Variants in ZNF550 observed in about 807,000 individuals in gnomAD.
The protein encoded by ZNF550 is zinc finger protein 550.
ZNF550 carries 42 observed loss-of-function variants against 40.2 expected under a neutral mutation model. The observed-to-expected ratio is 1.05, with a 90% CI of 0.82 to 1.35. The LOEUF is 1.35. Among genes scored for constraint, ZNF550 ranks in the 40% most tolerant of loss-of-function variants. The pLI, the probability that ZNF550 is intolerant of heterozygous loss-of-function variation, is 0.00. For synonymous variants in ZNF550, 223 were observed against 198.6 expected, an observed-to-expected ratio of 1.12 and a Z score of -1.03; for missense variants, 549 against 525.2, an observed-to-expected ratio of 1.05 and a Z score of -0.44.
exon 4 of ZNF550, chr19:57,547,186 C>T (rs868732627): frequency 6.2e-7 from 1 of 1,611,440 alleles, no homozygotes; most frequent in East Asian, 2.2e-5. Flanking sequence ...TGAGCTGCAT[C>T]TGAAGGCCTT....
intron 4 of ZNF550, chr19:57,543,477 A>G (rs1459239909): frequency 7.2e-6 from 3 of 414,788 alleles, no homozygotes; most frequent in African/African-American, 2.2e-5. Flanking sequence ...TACCGTCCAC[A>G]TTTCCTCTGT....
chr19:57,545,417 G>A (rs905008679), intron 4 of ZNF550, among the ~76,000 whole-genome samples: 1 of 151,982 alleles, frequency 6.6e-6, no homozygotes, highest in Non-Finnish European at 1.5e-5. Flanking sequence ...TGCTGAGGGG[G>A]ACCTAAAAAT....
intron 1 of ZNF550, among the ~76,000 whole-genome samples, chr19:57,559,119 CCTG>C (rs967864204): frequency 1.3e-5 from 2 of 152,138 alleles, no homozygotes; most frequent in African/African-American, 4.8e-5. Flanking sequence ...GGGTCAGACT[CCTG>C]CTGGGGTTGA....
exon 4 of ZNF550, chr19:57,547,987 C>G (rs750240983): frequency 1.2e-6 from 2 of 1,612,290 alleles, no homozygotes; most frequent in South Asian, 1.1e-5. Flanking sequence ...AACTTGTGCT[C>G]TGTCACCTGA....
Position 57,546,021 on chromosome 19 carries a change from T to C in ZNF550, c.*518+436A>G, listed in dbSNP as rs535726529. 9.2e-5 allele frequency among the ~76,000 whole-genome samples: 14 copies of C among 151,772 alleles called. No homozygotes were observed. In the East Asian group the frequency reaches 2.7e-3, roughly 29 times the overall value. On this transcript the variant is annotated intron_variant, in intron 4 of 4. Transcript: ENST00000457177. ...GAGCAAGTCCCTGTCTCTTAAAAAA[T>C]AATGAGTTTATTAATAAAAATCAAA...
chr19:57,547,323 C>T (rs373679009), exon 4 of ZNF550: 2 of 1,613,946 alleles, frequency 1.2e-6, no homozygotes, highest in Non-Finnish European at 1.7e-6. Context: ...CAGTGTGGGT[C>T]CTATTATGGC....
rs1006705336 is a variant in ZNF550, at chr19:57,554,177, C to CA, written c.155-1456dup. 4.5e-4 allele frequency: 67 copies of CA among 148,776 alleles called. No individual in the cohort carries two copies. The highest frequency in any genetic ancestry group is 4.0e-4 in the Non-Finnish European group (27 of 67,136). 9.2% of individuals were successfully genotyped at this position (148,776 alleles called of 1,614,324 possible). A position where few individuals can be genotyped will look rare whatever the true frequency, so the allele number is the denominator to read the frequency against. On this transcript the variant is annotated intron_variant, in intron 2 of 4. Coordinates refer to ENST00000457177, the Ensembl canonical transcript of ZNF550. This position sits in a 1 kb window ranked among gnomAD's most constrained non-coding sequence, Gnocchi z 4.5. ...TGAATGACAGAGCAAGACTCCATCT[C>CA]AAAAAAAAAGGAAAAGAAAAACCAG... is the stretch of plus-strand genomic sequence containing the variant.
At chr19:57,542,743 G>C (rs559738084) in exon 5 of ZNF550, 2 of 152,232 alleles carry the variant, frequency 1.3e-5, no homozygotes, top group South Asian at 4.2e-4. Context: ...TCGGCTTCTG[G>C]TAGCCCCGTG....
At chr19:57,559,400 C>A (rs558664721) in intron 1 of ZNF550, among the ~76,000 whole-genome samples, 14 of 152,336 alleles carry the variant, frequency 9.2e-5, no homozygotes, top group Non-Finnish European at 1.8e-4. Context: ...GCGGTCGCTC[C>A]TCTCACCTGT....
rs1352500935 is a variant in ZNF550 at position 57,554,606 on chromosome 19, A to G, written c.154+1625T>C. On this transcript the variant is annotated intron_variant, in intron 2 of 4. Coordinates refer to ENST00000457177, the Ensembl canonical transcript of ZNF550. This position sits in a 1 kb window ranked among gnomAD's most constrained non-coding sequence, Gnocchi z 4.5. ...AGTAAAAGACAGGAGGATTCTGTAT[A>G]GAAGACCAATGACTGAGGTACAAGG... 1.3e-5 allele frequency: 2 copies of G among 152,292 alleles called. No individual in the cohort carries two copies. Among genetic ancestry groups the G allele is most frequent in the Non-Finnish European group, 2.9e-5 (2 of 68,074 alleles). The allele number at this position is 152,292 out of a possible 1,614,324, so 9.4% of individuals were successfully genotyped here.
At chr19:57,544,523 G>A (rs1462325030) in intron 4 of ZNF550, 3 of 985,402 alleles carry the variant, frequency 3.0e-6, no homozygotes, top group Non-Finnish European at 3.6e-6. Flanking sequence ...GGATGCAGGA[G>A]GGTGGGGGTC....
intron 1 of ZNF550, chr19:57,556,964 A>C (rs1467057202): frequency 1.3e-5 from 2 of 152,564 alleles, no homozygotes; most frequent in Admixed American, 6.5e-5. Context: ...AGTCATCGCC[A>C]TTCTCCCGTC....
chr19:57,552,777 T>C, intron 2 of ZNF550, 55 bp from the exon 3 acceptor site: 1 of 1,347,788 alleles, frequency 7.4e-7, no homozygotes, highest in Non-Finnish European at 1.0e-6. Flanking sequence ...AATGAAAGTC[T>C]CTCCATCTTG....
intron 2 of ZNF550, chr19:57,553,411 G>A (rs2090091507): frequency 6.6e-6 from 1 of 152,344 alleles, no homozygotes; most frequent in Admixed American, 6.5e-5. Flanking sequence ...TCCTCCAGAA[G>A]GCATTTTCTT....
In ZNF550 at chr19:57,550,695, T is replaced by G. The variant is rs540133543; in HGVS notation, c.250+1932A>C. Among the ~76,000 whole-genome samples the G allele has an allele frequency of 2.0e-5, 3 of 152,378 alleles. No homozygotes were observed. The East Asian group carries it at 5.8e-4, about 29-fold the overall frequency. ...AACTGCCGAGGTGCTGGAAATATTG[T>G]AAATCTTGACCTAGATGAAGAATTC... On this transcript the variant is annotated intron_variant, in intron 3 of 4. Transcript: ENST00000457177.
chr19:57,557,563 C>T (rs1205384934), intron 1 of ZNF550: 1 of 152,082 alleles, frequency 6.6e-6, no homozygotes, highest in African/African-American at 2.4e-5. Flanking sequence ...GGTGTGGGTC[C>T]TCCATATGCT....
At chr19:57,547,297 T>A in exon 4 of ZNF550, 1 of 1,614,096 alleles carries the variant, frequency 6.2e-7, no homozygotes, top group Non-Finnish European at 8.5e-7. Flanking sequence ...TTCTTTGCAC[T>A]CAAAGGGCTT....
At chr19:57,544,919 C>T (rs1337329124) in intron 4 of ZNF550, among the ~76,000 whole-genome samples, 10 of 152,078 alleles carry the variant, frequency 6.6e-5, no homozygotes, top group Non-Finnish European at 1.2e-4. Flanking sequence ...GTCAGGAGTT[C>T]GAGACCAGCC....
At chr19:57,547,321 G>A (rs767686192) in exon 4 of ZNF550, 1 of 1,613,886 alleles carries the variant, frequency 6.2e-7, no homozygotes, top group Non-Finnish European at 8.5e-7. Context: ...TCCAGTGTGG[G>A]TCCTATTATG....
Sources: allele counts gnomAD v4.1 joint callset (sites outside exome capture counted in the v4.1 genomes callset), GRCh38; gene constraint gnomAD v4.1.1; non-coding constraint Gnocchi (gnomAD v3.1); transcripts MANE v1.5; gene names NCBI Gene and HGNC (gene_info 2026-07-23, HGNC 2026-07-21).